The following CCDC186 variants were observed in gnomAD, a reference collection of about 807,000 sequenced individuals.
The protein encoded by CCDC186 is coiled-coil domain containing 186, also known as coiled-coil domain-containing protein 186.
Under a neutral mutation model 113.7 loss-of-function variants are expected in CCDC186, and 49 were observed. The ratio of observed to expected loss-of-function variants is 0.43; its 90% CI spans 0.34 to 0.55. CCDC186 has a LOEUF of 0.55. Ranked by LOEUF, CCDC186 falls within the 20% of genes least tolerant of loss-of-function variation. The pLI, the probability that CCDC186 is intolerant of heterozygous loss-of-function variation, is 0.02. For synonymous variants in CCDC186, 355 were observed against 345.8 expected (o/e 1.03, Z -0.30); for missense variants, 890 against 1,011.1 (o/e 0.88, Z 1.62).
Position 114,151,223 on chromosome 10 carries a change from G to C in CCDC186, c.760-3C>G. The stretch of plus-strand genomic sequence containing the variant: ...AGTTCTTCTATTCTTGATTCTAACT[G>C]TAAAGAAAATTATTTCCAAATTATT... On this transcript the variant is annotated splice_polypyrimidine_tract_variant and splice_region_variant and intron_variant, in intron 3 of 15. Transcript: ENST00000369287. 3 of 1,521,844 alleles carry C rather than the reference G, an allele frequency of 2.0e-6. No homozygotes were observed. Among genetic ancestry groups the C allele is most frequent in the Non-Finnish European group, 2.7e-6 (3 of 1,104,876 alleles). 94.3% of individuals were successfully genotyped at this position (1,521,844 alleles called of 1,614,324 possible). A position where few individuals can be genotyped will look rare whatever the true frequency, so the allele number is the denominator to read the frequency against.
At chr10:114,128,506 A>G (rs1044778380) in intron 13 of CCDC186, among the ~76,000 whole-genome samples, 1 of 152,164 alleles carries the variant, frequency 6.6e-6, no homozygotes, top group Non-Finnish European at 1.5e-5. Flanking sequence ...GAGGCAATAT[A>G]GTGTACTGCC....
chr10:114,120,927 A>T lies in CCDC186; in HGVS notation c.*4216T>A, dbSNP rs923978127. 5 of 152,158 alleles carry T rather than the reference A, an allele frequency of 3.3e-5. No homozygotes were observed. The highest frequency in any genetic ancestry group is 1.2e-4 in the African/African-American group (5 of 41,450). 9.4% of individuals were successfully genotyped at this position (152,158 alleles called of 1,614,324 possible). On this transcript the variant is annotated 3_prime_UTR_variant, in exon 16 of 16. Coordinates refer to ENST00000369287, the MANE Select transcript of CCDC186 (RefSeq NM_018017.4). ...ACATAGAATCCTCTTGAAAAGTTTC[A>T]TTTTATACAGAAACATATTTACAAG...
chr10:114,134,857 G>T (rs2031204063), intron 10 of CCDC186, 56 bp downstream of exon 10: 1 of 1,538,242 alleles, frequency 6.5e-7, no homozygotes, highest in Non-Finnish European at 8.7e-7. Flanking sequence ...AGAAAATCTT[G>T]AAATAAAATT....
At position 114,125,130 on chromosome 10, in the gene CCDC186, C is replaced by G; in HGVS notation, c.*13G>C. The G allele has an allele frequency of 6.3e-7, 1 of 1,587,560 alleles. No individual in the cohort carries two copies. Among genetic ancestry groups the G allele is most frequent in the Non-Finnish European group, 8.6e-7 (1 of 1,163,556 alleles). ...GTGTGGCTTTTGTCTCTTTACTGAG[C>G]AAGAGGCTTGTTTTAGGTTTTCTTT... is the stretch of plus-strand genomic sequence containing the variant. On this transcript the variant is annotated 3_prime_UTR_variant, in exon 16 of 16. Coordinates refer to ENST00000369287, the MANE Select transcript of CCDC186 (RefSeq NM_018017.4).
intron 13 of CCDC186, among the ~76,000 whole-genome samples, chr10:114,129,346 C>T (rs554704378): frequency 2.7e-4 from 41 of 150,656 alleles, no homozygotes; most frequent in Admixed American, 2.3e-3. Flanking sequence ...GAAAACACAA[C>T]GAATAAAAAA....
At chr10:114,162,539 TA>T in intron 2 of CCDC186, 97 bp downstream of exon 2, 1 of 918,230 alleles carries the variant, frequency 1.1e-6, no homozygotes, top group Non-Finnish European at 1.6e-6. Context: ...AATGTGCAAG[TA>T]AAAATGAACA....
At position 114,122,852 on chromosome 10, in the gene CCDC186, G is replaced by T. The variant is rs2030772300; in HGVS notation, c.*2291C>A. The T allele has an allele frequency of 6.6e-6, 1 of 152,060 alleles. No homozygotes were observed. The highest frequency in any genetic ancestry group is 2.1e-4 in the South Asian group (1 of 4,818). The allele number at this position is 152,060 out of a possible 1,614,324, so 9.4% of individuals were successfully genotyped here. On this transcript the variant is annotated 3_prime_UTR_variant, in exon 16 of 16. Coordinates refer to ENST00000369287, the MANE Select transcript of CCDC186 (RefSeq NM_018017.4). Reference sequence around the variant, plus strand: ...ATTTCCAGTTTCTAAAATGTATAAGGCAAAACAGGTAATAGAGTCAAAATA... The same window carrying T: ...ATTTCCAGTTTCTAAAATGTATAAGTCAAAACAGGTAATAGAGTCAAAATA...
At chr10:114,135,166 TG>T in intron 9 of CCDC186, 111 bp from the exon 10 acceptor site, 2 of 1,066,976 alleles carry the variant, frequency 1.9e-6, no homozygotes. Context: ...ACCATTAACG[TG>T]AAGAAAATAT....
chr10:114,125,294 T>C, intron 15 of CCDC186, 68 bp from the exon 16 acceptor site: 1 of 1,231,780 alleles, frequency 8.1e-7, no homozygotes, highest in Non-Finnish European at 1.1e-6. Flanking sequence ...ACAATTCAGT[T>C]TGAACTATTT....
intron 2 of CCDC186, among the ~76,000 whole-genome samples, chr10:114,159,515 T>C (rs2032103048): frequency 6.6e-6 from 1 of 151,632 alleles, no homozygotes; most frequent in Admixed American, 6.6e-5. Context: ...TGGTAGGGCG[T>C]GCCTGTAGTC....
In CCDC186 at chr10:114,124,857, T is replaced by C. The variant is rs1267317165; in HGVS notation, c.*286A>G. ...ACAAAGGGTTTTTTATAAAAGCCCT[T>C]GTAATGTTCAACACTTCTTATGAAT... is the stretch of plus-strand genomic sequence containing the variant. On this transcript the variant is annotated 3_prime_UTR_variant, in exon 16 of 16. Coordinates refer to ENST00000369287, the MANE Select transcript of CCDC186 (RefSeq NM_018017.4). 2 of 287,968 alleles carry C rather than the reference T, an allele frequency of 6.9e-6. No homozygotes were observed. Among genetic ancestry groups the C allele is most frequent in the Non-Finnish European group, 1.3e-5 (2 of 157,352 alleles). The allele number at this position is 287,968 out of a possible 1,614,324, so 17.8% of individuals were successfully genotyped here.
chr10:114,125,470 C>T (rs2030868490), intron 15 of CCDC186, among the ~76,000 whole-genome samples: 1 of 152,122 alleles, frequency 6.6e-6, no homozygotes, highest in Non-Finnish European at 1.5e-5. Flanking sequence ...TGATTACTTA[C>T]TATTACTGAT....
chr10:114,140,882 T>C (rs1029973764), intron 6 of CCDC186, among the ~76,000 whole-genome samples: 15 of 151,786 alleles, frequency 9.9e-5, no homozygotes, highest in African/African-American at 3.6e-4. Flanking sequence ...AATTCTATTA[T>C]TTATGTCATT....
intron 6 of CCDC186, among the ~76,000 whole-genome samples, chr10:114,139,302 C>T (rs1300704842): frequency 6.6e-6 from 1 of 151,120 alleles, no homozygotes; most frequent in Non-Finnish European, 1.5e-5. Flanking sequence ...GTGGCTCATG[C>T]TTGTAATCCC....
At position 114,124,668 on chromosome 10, in the gene CCDC186, C is replaced by G. The variant is rs2030832104; in HGVS notation, c.*475G>C. On this transcript the variant is annotated 3_prime_UTR_variant, in exon 16 of 16. Transcript: ENST00000369287. ...TATTCATACACATCCCTAAAACTCA[C>G]CCGATATGCTGGAGTGTAAAAATAA... 6.6e-6 allele frequency: 1 copy of G among 152,292 alleles called. No homozygotes were observed. Among genetic ancestry groups the G allele is most frequent in the African/African-American group, 2.4e-5 (1 of 41,432 alleles). The allele number at this position is 152,292 out of a possible 1,614,324, so 9.4% of individuals were successfully genotyped here.
At chr10:114,151,559 G>A (rs2031857786) in intron 3 of CCDC186, among the ~76,000 whole-genome samples, 1 of 151,416 alleles carries the variant, frequency 6.6e-6, no homozygotes, top group Non-Finnish European at 1.5e-5. Context: ...AAAACTTCCA[G>A]AAATAATTCA....
At chr10:114,144,476 C>T in intron 6 of CCDC186, 21 bp downstream of exon 6, 4 of 1,586,432 alleles carry the variant, frequency 2.5e-6, no homozygotes, top group Non-Finnish European at 1.7e-6. Flanking sequence ...AATCATTATT[C>T]CATTGTATTA....
intron 1 of CCDC186, among the ~76,000 whole-genome samples, chr10:114,173,773 A>C (rs529932075): frequency 1.3e-5 from 2 of 151,952 alleles, no homozygotes; most frequent in Admixed American, 6.6e-5. Flanking sequence ...TGCCACCTCC[A>C]AGGTCCCGGA....
At chr10:114,140,921 G>A (rs1481783689) in intron 6 of CCDC186, among the ~76,000 whole-genome samples, 1 of 151,062 alleles carries the variant, frequency 6.6e-6, no homozygotes, top group East Asian at 1.9e-4. Flanking sequence ...TTAAGACACA[G>A]GACAGGATCT....
Sources: gnomAD v4.1 joint callset for allele counts (sites outside exome capture counted in the v4.1 genomes callset) on GRCh38, gnomAD v4.1.1 for gene constraint, MANE v1.5 for transcripts, NCBI Gene and HGNC (gene_info 2026-07-23, HGNC 2026-07-21) for gene names.